SAMD5: variants seen among roughly 807,000 people sequenced by gnomAD.
The protein encoded by SAMD5 is sterile alpha motif domain containing 5.
SAMD5 carries 13 observed loss-of-function variants against 11.3 expected under a neutral mutation model. The observed-to-expected ratio is 1.15, with a 90% CI of 0.75 to 1.83. The LOEUF (loss-of-function observed/expected upper bound fraction) is 1.83. Among genes scored for constraint, SAMD5 ranks in the 40% most tolerant of loss-of-function variants. SAMD5 has a pLI of 0.00. For missense variants in SAMD5, 255 were observed against 239.1 expected (o/e 1.07, Z -0.44); for synonymous variants, 129 against 111.3 (o/e 1.16, Z -1.00).
chr6:147,816,301 A>AAAAAAAAAAAAAAATATAT, the SAMD5 span, among the ~76,000 whole-genome samples: 6 of 66,344 alleles, frequency 9.0e-5, no homozygotes, highest in African/African-American at 6.1e-4. Flanking sequence ...AAAAAAAAAA[A>AAAAAAAAAAAAAAATATAT]ATATATATAT....
chr6:147,514,563 T>G (rs1788136220), intron 1 of SAMD5, among the ~76,000 whole-genome samples: 1 of 151,996 alleles, frequency 6.6e-6, no homozygotes, highest in Non-Finnish European at 1.5e-5. Flanking sequence ...TGCTGACGTT[T>G]TGTTGAATCT....
At chr6:147,661,557 C>CTTAA (rs1790648611) in intron 1 of SAMD5, among the ~76,000 whole-genome samples, 1 of 152,186 alleles carries the variant, frequency 6.6e-6, no homozygotes, top group Non-Finnish European at 1.5e-5. Context: ...AGGAGCAATG[C>CTTAA]TTAACATTAA....
intron 1 of SAMD5, among the ~76,000 whole-genome samples, chr6:147,720,381 G>A (rs192844006): frequency 6.6e-6 from 1 of 151,808 alleles, no homozygotes; most frequent in African/African-American, 2.4e-5. Context: ...GAGAATGGCG[G>A]GAACCCAGGA....
chr6:147,883,999 C>T, the SAMD5 span, among the ~76,000 whole-genome samples: 1 of 152,186 alleles, frequency 6.6e-6, no homozygotes, highest in Non-Finnish European at 1.5e-5. Flanking sequence ...CCACTCTTTC[C>T]TCTTTACAGC....
At chr6:147,865,313 AGTGTGTGTGTGTGTGTGT>A in the SAMD5 span, among the ~76,000 whole-genome samples, 10,874 of 147,228 alleles carry the variant, frequency 0.074, 566 homozygotes, top group African/African-American at 0.15. Context: ...TAGGTATATA[AGTGTGTGTGTGTGTGTGT>A]GTGTGTGTGT....
the SAMD5 span, among the ~76,000 whole-genome samples, chr6:147,781,301 A>G: frequency 6.6e-6 from 1 of 151,788 alleles, no homozygotes; most frequent in Non-Finnish European, 1.5e-5. Context: ...AACTACAGGG[A>G]CGTGCCACCA....
chr6:147,871,644 C>T, the SAMD5 span, among the ~76,000 whole-genome samples: 943 of 152,200 alleles, frequency 6.2e-3, 8 homozygotes, highest in African/African-American at 0.022. Context: ...CCTTGGGTAC[C>T]GGCAACATCT....
the SAMD5 span, chr6:147,953,984 A>G: frequency 1.3e-5 from 2 of 152,236 alleles, no homozygotes; most frequent in Non-Finnish European, 2.9e-5. Flanking sequence ...ATATTTTTAT[A>G]GATGAGCCAC....
chr6:147,525,410 A>C (rs1411050894), intron 1 of SAMD5, among the ~76,000 whole-genome samples: 2 of 150,236 alleles, frequency 1.3e-5, no homozygotes, highest in Non-Finnish European at 3.0e-5. Flanking sequence ...GTGGGAATAC[A>C]TTTTGAAAAG....
the SAMD5 span, among the ~76,000 whole-genome samples, chr6:147,937,186 G>A: frequency 5.9e-5 from 9 of 152,270 alleles, no homozygotes; most frequent in Admixed American, 6.5e-5. Flanking sequence ...GTTACTGAAG[G>A]CTATAATATT....
At chr6:147,816,066 G>A in the SAMD5 span, among the ~76,000 whole-genome samples, 2 of 151,602 alleles carry the variant, frequency 1.3e-5, no homozygotes, top group African/African-American at 2.4e-5. Context: ...ATCACCTGAG[G>A]TCAGGAGTTT....
At chr6:147,572,226 G>A (rs1316042705), downstream of SAMD5, among the ~76,000 whole-genome samples, 2 of 150,600 alleles carry the variant, frequency 1.3e-5, no homozygotes, top group Non-Finnish European at 2.9e-5. Flanking sequence ...GAACCTGAAG[G>A]AACCACTGTG....
the SAMD5 span, among the ~76,000 whole-genome samples, chr6:147,777,927 G>T: frequency 6.6e-6 from 1 of 152,158 alleles, no homozygotes; most frequent in Non-Finnish European, 1.5e-5. Flanking sequence ...TGGACATTTG[G>T]TTGTTTCCAC....
At chr6:147,699,627 T>C (rs1040424738) in intron 1 of SAMD5, among the ~76,000 whole-genome samples, 3 of 152,208 alleles carry the variant, frequency 2.0e-5, no homozygotes, top group African/African-American at 7.2e-5. Flanking sequence ...AATGTTTGAG[T>C]GTGAAACGTT....
chr6:147,825,058 G>T, the SAMD5 span, among the ~76,000 whole-genome samples: 50 of 152,300 alleles, frequency 3.3e-4, no homozygotes, highest in East Asian at 6.4e-3. Context: ...ACTTTGGGAG[G>T]CCGAGGTAGG....
the SAMD5 span, among the ~76,000 whole-genome samples, chr6:147,825,694 T>C: frequency 0.047 from 7,227 of 152,334 alleles, 204 homozygotes; most frequent in African/African-American, 0.054. Flanking sequence ...CAGTGAATTA[T>C]GAGCTGAAGA....
intron 1 of SAMD5, among the ~76,000 whole-genome samples, chr6:147,588,117 AG>A (rs1789401256): frequency 6.6e-6 from 1 of 152,122 alleles, no homozygotes; most frequent in Non-Finnish European, 1.5e-5. Flanking sequence ...AGGCAGTTGA[AG>A]GCTAAGGAAC....
chr6:147,634,908 G>C (rs1383587677), intron 1 of SAMD5, among the ~76,000 whole-genome samples: 1 of 143,930 alleles, frequency 6.9e-6, no homozygotes, highest in African/African-American at 2.5e-5. Context: ...AAAAGGGAAA[G>C]ATAAAGAAGA....
intron 1 of SAMD5, chr6:147,733,885 G>T: frequency 9.4e-6 from 2 of 212,834 alleles, no homozygotes; most frequent in Non-Finnish European, 1.6e-5. Context: ...CATTCCCTCG[G>T]ACAGTGTTAA....
Sources: allele counts gnomAD v4.1 joint callset (sites outside exome capture counted in the v4.1 genomes callset), GRCh38; gene constraint gnomAD v4.1.1; transcripts MANE v1.5; gene names NCBI Gene and HGNC (gene_info 2026-07-23, HGNC 2026-07-21).